The following MYO5B variants were observed in gnomAD, a reference collection of about 807,000 sequenced individuals.
The protein encoded by MYO5B is unconventional myosin-Vb.
A neutral mutation model predicts 229.3 loss-of-function variants in MYO5B; 143 were observed. That is an observed-to-expected ratio of 0.62 (90% CI 0.54 to 0.72). MYO5B has a LOEUF of 0.72. MYO5B is among the 30% of genes least tolerant of loss of function. MYO5B has a pLI of 0.00. For synonymous variants in MYO5B, 918 were observed against 885.2 expected (o/e 1.04, Z -0.66); for missense variants, 2,321 against 2,331.0 (o/e 1.00, Z 0.09).
At chr18:50,095,393 G>A (rs1439548555) in intron 1 of MYO5B, among the ~76,000 whole-genome samples, 1 of 152,172 alleles carries the variant, frequency 6.6e-6, no homozygotes, top group Non-Finnish European at 1.5e-5. Flanking sequence ...GCATTCAAGG[G>A]ACTGAAGCAA....
chr18:50,005,664 A>T (rs2026093650), intron 4 of MYO5B, among the ~76,000 whole-genome samples: 1 of 152,096 alleles, frequency 6.6e-6, no homozygotes, highest in African/African-American at 2.4e-5. Context: ...CAATCTGCCC[A>T]CCCTGGCCTC....
At chr18:50,088,253 A>G (rs2031373679) in intron 1 of MYO5B, among the ~76,000 whole-genome samples, 1 of 152,164 alleles carries the variant, frequency 6.6e-6, no homozygotes. Flanking sequence ...AGAGGACTTC[A>G]TGCTGTAAGC....
intron 1 of MYO5B, among the ~76,000 whole-genome samples, chr18:50,130,401 G>A (rs1399369448): frequency 6.6e-6 from 1 of 152,186 alleles, no homozygotes; most frequent in African/African-American, 2.4e-5. Flanking sequence ...TTATGCCTGA[G>A]CACTTCCTTA....
Position 49,962,330 on chromosome 18 carries a change from T to C in MYO5B, c.1481A>G (p.Gln494Arg), listed in dbSNP as rs1568049269. 1 of 1,614,208 alleles carries C rather than the reference T, an allele frequency of 6.2e-7. No homozygotes were observed. Among genetic ancestry groups the C allele is most frequent in the Admixed American group, 1.7e-5 (1 of 60,030 alleles). ...PWTLIDFYDN[Q>R]PCIDLIEAKL... Reference sequence around the variant, plus strand: ...GGCTTCAATGAGGTCGATACAAGGTTGGTTATCATAAAAATCAATCAGGGT... The same window carrying C: ...GGCTTCAATGAGGTCGATACAAGGTCGGTTATCATAAAAATCAATCAGGGT... The change falls in exon 12 of 40, where the codon CAA (glutamine) becomes CGA (arginine). Residue 494 changes from glutamine to arginine, a missense_variant. Coordinates refer to ENST00000285039, the MANE Select transcript of MYO5B (RefSeq NM_001080467.3).
At chr18:50,081,639 G>A (rs900586278) in intron 1 of MYO5B, among the ~76,000 whole-genome samples, 5 of 152,164 alleles carry the variant, frequency 3.3e-5, no homozygotes, top group Admixed American at 2.6e-4. Context: ...AAATAAATCA[G>A]GTGTCCTGGG....
intron 14 of MYO5B, among the ~76,000 whole-genome samples, chr18:49,947,916 A>G (rs2025392322): frequency 7.1e-6 from 1 of 140,096 alleles, no homozygotes; most frequent in Non-Finnish European, 1.5e-5. Flanking sequence ...GGTTTGTTAC[A>G]TCTGTATACA....
chr18:50,171,388 C>T (rs2032917936), intron 1 of MYO5B, among the ~76,000 whole-genome samples: 1 of 126,982 alleles, frequency 7.9e-6, no homozygotes, highest in Non-Finnish European at 1.7e-5. Context: ...TCAGGAAGGG[C>T]TTATAGAGAA....
chr18:50,193,696 G>A (rs1337848339), intron 1 of MYO5B, among the ~76,000 whole-genome samples: 2 of 152,242 alleles, frequency 1.3e-5, no homozygotes, highest in East Asian at 1.9e-4. Flanking sequence ...TGTTAAACGT[G>A]TTTTGGCCAC....
chr18:49,986,471 CTA>C (rs1474493522), intron 7 of MYO5B, among the ~76,000 whole-genome samples: 2 of 152,222 alleles, frequency 1.3e-5, no homozygotes, highest in Non-Finnish European at 2.9e-5. Flanking sequence ...CAGTTGTACT[CTA>C]TGAGTGAAGG....
At chr18:50,017,482 C>A (rs1196292561) in intron 4 of MYO5B, among the ~76,000 whole-genome samples, 1 of 152,138 alleles carries the variant, frequency 6.6e-6, no homozygotes, top group Non-Finnish European at 1.5e-5. Context: ...ATACTTCATT[C>A]GTTTTTATAG....
intron 2 of MYO5B, 115 bp from the exon 3 acceptor site, chr18:50,040,429 G>A: frequency 3.7e-6 from 4 of 1,086,652 alleles, no homozygotes; most frequent in East Asian, 2.4e-5. Context: ...AAGTAATGAA[G>A]ATAATGTTTT....
At chr18:49,917,977 C>A (rs2025035055) in intron 17 of MYO5B, among the ~76,000 whole-genome samples, 1 of 152,116 alleles carries the variant, frequency 6.6e-6, no homozygotes, top group Non-Finnish European at 1.5e-5. Flanking sequence ...TAACAAAGGC[C>A]AATATGGGAT....
rs1467470921 is a variant in MYO5B, at chr18:49,824,172, G to A, written c.*2299C>T. The A allele has an allele frequency of 6.6e-6, 1 of 152,424 alleles. No homozygotes were observed. The highest frequency in any genetic ancestry group is 2.4e-5 in the African/African-American group (1 of 41,594). 9.4% of individuals were successfully genotyped at this position (152,424 alleles called of 1,614,324 possible). On this transcript the variant is annotated 3_prime_UTR_variant, in exon 40 of 40. Coordinates refer to ENST00000285039, the MANE Select transcript of MYO5B (RefSeq NM_001080467.3). The stretch of plus-strand genomic sequence containing the variant: ...TGATTTTTTAAAATGCAGAGAAAAT[G>A]CTAACAAAAGATTATATAGTTCCCC...
rs1188470923 is a variant in MYO5B at position 49,864,387 on chromosome 18, G to A, written c.3604-7C>T. On this transcript the variant is annotated splice_region_variant and splice_polypyrimidine_tract_variant and intron_variant, in intron 27 of 39. Transcript: ENST00000285039. ...CTGACTCCAGCTCTTGCCTCTGGAAGACAGCCCAAGGGCCGCTGCCATTAC... is the reference window on the plus strand; with the variant it reads ...CTGACTCCAGCTCTTGCCTCTGGAAAACAGCCCAAGGGCCGCTGCCATTAC... 1 of 1,612,696 alleles carries A rather than the reference G, an allele frequency of 6.2e-7. No homozygotes were observed. Among genetic ancestry groups the A allele is most frequent in the East Asian group, 2.2e-5 (1 of 44,886 alleles).
intron 4 of MYO5B, among the ~76,000 whole-genome samples, chr18:50,030,876 GAAAAAAAAAAAAAAAAAAAAAAAAAAAA>G (rs869189090): frequency 3.3e-5 from 1 of 30,484 alleles, no homozygotes; most frequent in Non-Finnish European, 5.8e-5. Flanking sequence ...CTCCCTTTCA[GAAAAAAAAAAAAAAAAAAAAAAAAAAAA>G]AAAAAAAAAA....
At chr18:50,050,234 A>C (rs1185586456) in intron 2 of MYO5B, among the ~76,000 whole-genome samples, 1 of 152,220 alleles carries the variant, frequency 6.6e-6, no homozygotes, top group Non-Finnish European at 1.5e-5. Flanking sequence ...CTCTACTAAG[A>C]AGCTTTGGTG....
intron 32 of MYO5B, among the ~76,000 whole-genome samples, chr18:49,848,507 G>A (rs1344206403): frequency 6.6e-6 from 1 of 152,162 alleles, no homozygotes; most frequent in Non-Finnish European, 1.5e-5. Context: ...TGGAGGTGGG[G>A]GAGAGTGTGA....
rs114558412 is a variant in MYO5B at position 49,986,240 on chromosome 18, G to A, written c.839-1415C>T. The stretch of plus-strand genomic sequence containing the variant: ...TCTTCCCTCTGTCCACGCCTTCAGT[G>A]GTCTCTGCCTACCTCTCCTTCCTCA... On this transcript the variant is annotated intron_variant, in intron 7 of 39. Coordinates refer to ENST00000285039, the MANE Select transcript of MYO5B (RefSeq NM_001080467.3). 3.1e-3 allele frequency among the ~76,000 whole-genome samples: 469 copies of A among 152,174 alleles called. 2 individuals carry two copies. Among genetic ancestry groups the A allele is most frequent in the African/African-American group, 0.011 (451 of 41,496 alleles).
intron 1 of MYO5B, 104 bp from the exon 2 acceptor site, chr18:50,055,482 T>C: frequency 1.2e-6 from 1 of 851,570 alleles, no homozygotes; most frequent in Non-Finnish European, 2.0e-6. Context: ...CTTCTAAAGC[T>C]ATCTGCACAC....
Sources: gnomAD v4.1 joint callset for allele counts (sites outside exome capture counted in the v4.1 genomes callset) on GRCh38, gnomAD v4.1.1 for gene constraint, MANE v1.5 for transcripts, NCBI Gene and HGNC (gene_info 2026-07-23, HGNC 2026-07-21) for gene names.